Variants in IL1RAPL2 observed in about 807,000 individuals in gnomAD.
IL1RAPL2 encodes the protein interleukin 1 receptor accessory protein like 2.
A neutral mutation model predicts 44.1 loss-of-function variants in IL1RAPL2; 3 were observed. That is an observed-to-expected ratio of 0.07 (90% confidence interval 0.03 to 0.18). The LOEUF (loss-of-function observed/expected upper bound fraction) is 0.18. Ranked by LOEUF, IL1RAPL2 falls within the 10% of genes least tolerant of loss-of-function variation. The pLI is 1.00. For synonymous variants in IL1RAPL2, 181 were observed against 178.8 expected, an observed-to-expected ratio of 1.01 and a Z score of -0.10; for missense variants, 391 against 496.4, an observed-to-expected ratio of 0.79 and a Z score of 2.02.
intron 6 of IL1RAPL2, among the ~76,000 whole-genome samples, chrX:105,664,417 G>T (rs1247552708): frequency 9.0e-6 from 1 of 111,582 alleles, no homozygotes; most frequent in Non-Finnish European, 1.9e-5. Context: ...TTATAAAGCT[G>T]GTAACCCCTG....
chrX:105,462,559 CTTCTT>C (rs904224663), intron 5 of IL1RAPL2, among the ~76,000 whole-genome samples: 30 of 111,205 alleles, frequency 2.7e-4, no homozygotes, highest in African/African-American at 4.9e-4. Context: ...AAAAAAGTGT[CTTCTT>C]TTACTTACAT....
intron 2 of IL1RAPL2, among the ~76,000 whole-genome samples, chrX:105,108,803 G>T (rs1197316953): frequency 9.0e-6 from 1 of 111,718 alleles, no homozygotes; most frequent in Non-Finnish European, 1.9e-5. Flanking sequence ...TTGCCTGGAT[G>T]ATATTTTACA....
At chrX:105,300,128 A>T (rs1224902999) in intron 5 of IL1RAPL2, among the ~76,000 whole-genome samples, 2 of 112,089 alleles carry the variant, frequency 1.8e-5, no homozygotes, top group African/African-American at 3.2e-5. Flanking sequence ...AACAATAATT[A>T]TAATAAAAAG....
chrX:105,696,499 A>G (rs1330614403), intron 6 of IL1RAPL2, among the ~76,000 whole-genome samples: 1 of 111,673 alleles, frequency 9.0e-6, no homozygotes. Flanking sequence ...AGTGCTAACA[A>G]TGTGTTTATT....
chrX:105,051,662 C>A (rs1374195169), intron 2 of IL1RAPL2, among the ~76,000 whole-genome samples: 2 of 113,181 alleles, frequency 1.8e-5, no homozygotes, highest in African/African-American at 6.4e-5. Context: ...GAGCTCCTGC[C>A]CTAACTCAGA....
intron 2 of IL1RAPL2, among the ~76,000 whole-genome samples, chrX:104,757,399 C>T (rs1932357605): frequency 9.0e-6 from 1 of 111,267 alleles, no homozygotes; most frequent in African/African-American, 3.3e-5. Flanking sequence ...GCCTATTAAA[C>T]GTCTAAGAGA....
intron 2 of IL1RAPL2, among the ~76,000 whole-genome samples, chrX:104,946,661 C>T (rs1289800128): frequency 3.1e-5 from 3 of 96,287 alleles, no homozygotes; most frequent in South Asian, 5.4e-4. Flanking sequence ...TGAGAATATG[C>T]GGTGTTTGGT....
chrX:104,883,980 T>C (rs1923152750), intron 2 of IL1RAPL2, among the ~76,000 whole-genome samples: 1 of 112,151 alleles, frequency 8.9e-6, no homozygotes, highest in South Asian at 3.8e-4. Flanking sequence ...ATAACATCTT[T>C]ATAGGACAGG....
intron 6 of IL1RAPL2, among the ~76,000 whole-genome samples, chrX:105,543,726 A>T (rs1189099638): frequency 8.9e-6 from 1 of 112,260 alleles, no homozygotes; most frequent in East Asian, 2.8e-4. Flanking sequence ...ACCTTAATCA[A>T]AAATTCACTA....
At chrX:104,776,308 T>A (rs920188488) in intron 2 of IL1RAPL2, among the ~76,000 whole-genome samples, 2 of 111,564 alleles carry the variant, frequency 1.8e-5, no homozygotes, top group Non-Finnish European at 3.8e-5. Context: ...ATTACTGAAG[T>A]CTTGAAGACA....
chrX:105,347,603 A>G (rs1404491268), intron 5 of IL1RAPL2, among the ~76,000 whole-genome samples: 2 of 103,689 alleles, frequency 1.9e-5, no homozygotes, highest in Non-Finnish European at 3.9e-5. Context: ...CATCATCATC[A>G]GCCAACATCA....
intron 6 of IL1RAPL2, among the ~76,000 whole-genome samples, chrX:105,602,389 GA>G (rs1184521630): frequency 5.6e-4 from 56 of 99,484 alleles, no homozygotes; most frequent in East Asian, 3.2e-3. Context: ...AAACCAGTAA[GA>G]AAAAAAAAAA....
intron 5 of IL1RAPL2, among the ~76,000 whole-genome samples, chrX:105,269,754 TGA>T (rs1167649634): frequency 1.8e-5 from 2 of 111,837 alleles, no homozygotes; most frequent in Non-Finnish European, 3.8e-5. Context: ...CTAATCCTTA[TGA>T]GAGGCTTGCA....
At chrX:105,148,203 T>C (rs1452565048) in intron 2 of IL1RAPL2, among the ~76,000 whole-genome samples, 4 of 111,514 alleles carry the variant, frequency 3.6e-5, no homozygotes, top group Non-Finnish European at 7.5e-5. Flanking sequence ...TATTTTTTTT[T>C]CTCCATATAT....
intron 2 of IL1RAPL2, among the ~76,000 whole-genome samples, chrX:104,744,260 CTG>C (rs2147579667): frequency 9.0e-6 from 1 of 111,051 alleles, no homozygotes; most frequent in Admixed American, 9.6e-5. Context: ...ATATTATGAA[CTG>C]TGGATTTTGA....
intron 2 of IL1RAPL2, among the ~76,000 whole-genome samples, chrX:105,081,414 C>T (rs970595929): frequency 2.7e-5 from 3 of 111,430 alleles, no homozygotes; most frequent in African/African-American, 9.8e-5. Flanking sequence ...AGAACCTTTT[C>T]ATTATCAAAT....
At chrX:104,717,443 G>GT (rs1252526927) in intron 2 of IL1RAPL2, among the ~76,000 whole-genome samples, 1 of 77,354 alleles carries the variant, frequency 1.3e-5, no homozygotes, top group Non-Finnish European at 2.3e-5. Context: ...GAACTTAAAA[G>GT]TTAAAAAAAA....
At chrX:105,012,609 T>A in intron 2 of IL1RAPL2, among the ~76,000 whole-genome samples, 1 of 58,588 alleles carries the variant, frequency 1.7e-5, no homozygotes, top group African/African-American at 9.9e-5. Flanking sequence ...TCTCTCTCTC[T>A]CTCTCTCTCT....
intron 5 of IL1RAPL2, among the ~76,000 whole-genome samples, chrX:105,402,084 G>A (rs1256597357): frequency 9.0e-6 from 1 of 110,618 alleles, no homozygotes; most frequent in South Asian, 3.8e-4. Context: ...TTTCCTAAAG[G>A]TTTCATAGAG....
Sources: allele counts gnomAD v4.1 joint callset (sites outside exome capture counted in the v4.1 genomes callset), GRCh38; gene constraint gnomAD v4.1.1; transcripts MANE v1.5; gene names NCBI Gene and HGNC (gene_info 2026-07-23, HGNC 2026-07-21).